The following P3H2 variants were observed in gnomAD, a reference collection of about 807,000 sequenced individuals.
P3H2 encodes the protein leprecan-like 1.
A neutral mutation model predicts 87.0 loss-of-function variants in P3H2; 80 were observed. That is an observed-to-expected ratio of 0.92 (90% CI 0.77 to 1.11). The LOEUF is 1.11. Ranked by LOEUF, P3H2 falls within the 50% of genes least tolerant of loss-of-function variation. The pLI is 0.00. For synonymous variants in P3H2, 367 were observed against 359.3 expected, an observed-to-expected ratio of 1.02 and a Z score of -0.24; for missense variants, 1,001 against 923.9, an observed-to-expected ratio of 1.08 and a Z score of -1.08.
rs767583092 is a variant in P3H2, at chr3:190,120,515, T to TGCGCAGCGCCGCTTCCAAGTC, written c.196_216dup (p.Asp66_Arg72dup). 1 of 1,474,848 alleles carries TGCGCAGCGCCGCTTCCAAGTC rather than the reference T, an allele frequency of 6.8e-7. No individual in the cohort carries two copies. Among genetic ancestry groups the TGCGCAGCGCCGCTTCCAAGTC allele is most frequent in the Non-Finnish European group, 8.9e-7 (1 of 1,120,034 alleles). The allele number at this position is 1,474,848 out of a possible 1,614,324, so 91.4% of individuals were successfully genotyped here. A position where few individuals can be genotyped will look rare whatever the true frequency, so the allele number is the denominator to read the frequency against. ...CGGATTTCCCGCAGGCGCCGGTGGCTGCGCAGCGCCGCTTCCAAGTCGCGC... is the reference window on the plus strand; with the variant it reads ...CGGATTTCCCGCAGGCGCCGGTGGCTGCGCAGCGCCGCTTCCAAGTCGCGCAGCGCCGCTTCCAAGTCGCGC... On this transcript the variant is annotated inframe_insertion, in exon 1 of 15. Coordinates refer to ENST00000319332, the MANE Select transcript of P3H2 (RefSeq NM_018192.4).
intron 1 of P3H2, among the ~76,000 whole-genome samples, chr3:190,091,007 A>C (rs773538427): frequency 1.3e-5 from 2 of 152,328 alleles, no homozygotes; most frequent in Middle Eastern, 3.4e-3. Flanking sequence ...TGAACAAATA[A>C]GGTATGACTG....
chr3:190,089,860 T>G (rs753840675), intron 1 of P3H2, among the ~76,000 whole-genome samples: 4 of 152,158 alleles, frequency 2.6e-5, no homozygotes, highest in Non-Finnish European at 5.9e-5. Flanking sequence ...AATTGGGGTT[T>G]TTGATCCCAT....
intron 7 of P3H2, 105 bp downstream of exon 7, chr3:189,984,445 T>G: frequency 1.1e-6 from 1 of 887,186 alleles, no homozygotes; most frequent in Non-Finnish European, 1.9e-6. Flanking sequence ...AATTATTTTA[T>G]TATATCTCCT....
chr3:190,079,393 A>C (rs1227108634), intron 1 of P3H2, among the ~76,000 whole-genome samples: 1 of 148,610 alleles, frequency 6.7e-6, no homozygotes, highest in Non-Finnish European at 1.5e-5. Context: ...AATAATCCTT[A>C]TCTGTAAAGC....
intron 1 of P3H2, among the ~76,000 whole-genome samples, chr3:190,023,036 C>T (rs1319030821): frequency 2.0e-5 from 3 of 151,566 alleles, no homozygotes; most frequent in East Asian, 1.9e-4. Context: ...CCGTGTTAGC[C>T]AGGATGGTCT....
intron 1 of P3H2, among the ~76,000 whole-genome samples, chr3:190,079,205 G>A (rs560246335): frequency 2.0e-5 from 3 of 152,110 alleles, no homozygotes; most frequent in African/African-American, 2.4e-5. Context: ...GCTGGGCAGG[G>A]TGGTGCATTC....
intron 1 of P3H2, among the ~76,000 whole-genome samples, chr3:190,078,503 A>T (rs1282631885): frequency 9.2e-5 from 14 of 152,188 alleles, no homozygotes. Flanking sequence ...TTCAACCATC[A>T]CTCATTACCA....
At chr3:190,103,003 A>G (rs1577325206) in intron 1 of P3H2, among the ~76,000 whole-genome samples, 1 of 152,208 alleles carries the variant, frequency 6.6e-6, no homozygotes, top group Non-Finnish European at 1.5e-5. Flanking sequence ...GCAATAAAGT[A>G]TTTTTTAAAA....
At chr3:190,082,762 G>C (rs1727084336) in intron 1 of P3H2, among the ~76,000 whole-genome samples, 2 of 152,102 alleles carry the variant, frequency 1.3e-5, no homozygotes, top group African/African-American at 4.8e-5. Flanking sequence ...AGAGTATTGA[G>C]AGCCAATGCT....
At chr3:190,033,525 T>G (rs1725322082) in intron 1 of P3H2, among the ~76,000 whole-genome samples, 1 of 152,082 alleles carries the variant, frequency 6.6e-6, no homozygotes, top group Non-Finnish European at 1.5e-5. Flanking sequence ...AAAAGAAAAC[T>G]TATGATTTTT....
chr3:190,067,023 T>C (rs1446140437), intron 1 of P3H2, among the ~76,000 whole-genome samples: 1 of 151,518 alleles, frequency 6.6e-6, no homozygotes, highest in Non-Finnish European at 1.5e-5. Flanking sequence ...TTTTTTTTTT[T>C]TTGTAGAGAT....
chr3:190,075,371 G>A (rs1726837483), intron 1 of P3H2, among the ~76,000 whole-genome samples: 1 of 151,894 alleles, frequency 6.6e-6, no homozygotes, highest in African/African-American at 2.4e-5. Context: ...TGTAATCCCA[G>A]CTACTCGGGA....
At chr3:189,980,806 A>T (rs1195217768) in intron 8 of P3H2, among the ~76,000 whole-genome samples, 1 of 152,166 alleles carries the variant, frequency 6.6e-6, no homozygotes. Flanking sequence ...CCTTTTGATC[A>T]CACTTAAGTT....
chr3:190,062,446 G>T (rs1726359736), intron 1 of P3H2, among the ~76,000 whole-genome samples: 1 of 152,254 alleles, frequency 6.6e-6, no homozygotes, highest in East Asian at 1.9e-4. Context: ...ATTGAATAAA[G>T]AAATAATTTT....
intron 1 of P3H2, among the ~76,000 whole-genome samples, chr3:190,016,663 T>C (rs1724764279): frequency 6.6e-6 from 1 of 152,252 alleles, no homozygotes; most frequent in Non-Finnish European, 1.5e-5. Flanking sequence ...CTCCAACATA[T>C]GTTTAATGTA....
chr3:190,109,845 C>CTT lies in P3H2; in HGVS notation c.480+10405_480+10406dup, dbSNP rs141845406. On this transcript the variant is annotated intron_variant, in intron 1 of 14. Transcript: ENST00000319332. The stretch of plus-strand genomic sequence containing the variant: ...TAACCATCTAACCTTGATGCCCAGT[C>CTT]TTTTTTTTTTTTTTTTTTTTTGACA... Among the ~76,000 whole-genome samples, 167 of 124,544 alleles carry CTT rather than the reference C, an allele frequency of 1.3e-3. 2 individuals are homozygous for CTT. Among genetic ancestry groups the CTT allele is most frequent in the Non-Finnish European group, 2.1e-3 (124 of 60,376 alleles). The allele number at this position is 124,544 out of a possible 152,430, so 81.7% of individuals were successfully genotyped here.
At chr3:190,034,853 CTTTT>C (rs58325211) in intron 1 of P3H2, among the ~76,000 whole-genome samples, 2 of 140,280 alleles carry the variant, frequency 1.4e-5, no homozygotes, top group Non-Finnish European at 3.1e-5. Flanking sequence ...CTTTTCTTTT[CTTTT>C]TTTTTTTTTG....
rs749637296 is a variant in P3H2 at position 190,120,669 on chromosome 3, T to G, written c.63A>C (p.Pro21=). The part of the protein sequence containing the change: ...LLLLPLLLPP[P]LWGGPPDSPR... ...GGCTGTCCGGGGGGCCGCCCCACAGTGGCGGCGGCAGTAGCAGCGGCAGCA... is the reference window on the plus strand; with the variant it reads ...GGCTGTCCGGGGGGCCGCCCCACAGGGGCGGCGGCAGTAGCAGCGGCAGCA... Residue 21 remains proline, a synonymous_variant, in exon 1 of 15, where the codon CCA becomes CCC. Coordinates refer to ENST00000319332, the MANE Select transcript of P3H2 (RefSeq NM_018192.4). 70 of 1,522,870 alleles carry G rather than the reference T, an allele frequency of 4.6e-5. No individual in the cohort carries two copies. Among genetic ancestry groups the G allele is most frequent in the Non-Finnish European group, 5.8e-5 (66 of 1,142,058 alleles). The allele number at this position is 1,522,870 out of a possible 1,614,324, so 94.3% of individuals were successfully genotyped here.
chr3:189,959,458 A>G (rs1722745935), intron 14 of P3H2, among the ~76,000 whole-genome samples: 1 of 123,488 alleles, frequency 8.1e-6, no homozygotes, highest in Non-Finnish European at 1.6e-5. Flanking sequence ...TCCTGTGTCC[A>G]TGTGTTCTCA....
Sources: allele counts gnomAD v4.1 joint callset (sites outside exome capture counted in the v4.1 genomes callset), GRCh38; gene constraint gnomAD v4.1.1; transcripts MANE v1.5; gene names NCBI Gene and HGNC (gene_info 2026-07-23, HGNC 2026-07-21).